EXOC6B: variants seen among roughly 807,000 people sequenced by gnomAD.
EXOC6B encodes the protein exocyst complex component 6B.
A neutral mutation model predicts 113.5 loss-of-function variants in EXOC6B; 54 were observed. The ratio of observed to expected loss-of-function variants is 0.48; its 90% CI spans 0.38 to 0.60. The LOEUF (loss-of-function observed/expected upper bound fraction) is 0.60. Among genes scored for constraint, EXOC6B ranks in the 20% least tolerant of loss-of-function variants. The probability of loss-of-function intolerance (pLI) is 0.00; values close to 1 mark genes in which losing one functional copy is unlikely to be tolerated. For missense variants in EXOC6B, 797 were observed against 977.5 expected (o/e 0.82, Z 2.46); for synonymous variants, 357 against 339.0 (o/e 1.05, Z -0.58).
At chr2:72,680,683 G>A (rs1056887130) in intron 6 of EXOC6B, among the ~76,000 whole-genome samples, 1 of 151,730 alleles carries the variant, frequency 6.6e-6, no homozygotes, top group Admixed American at 6.6e-5. Context: ...AGGTTGCAGT[G>A]AGCTGAGATC....
chr2:72,306,665 A>C (rs1210911435), intron 20 of EXOC6B, among the ~76,000 whole-genome samples: 1 of 152,172 alleles, frequency 6.6e-6, no homozygotes, highest in East Asian at 1.9e-4. Flanking sequence ...TCAGGTCAAA[A>C]ATAGTGGTCA....
At chr2:72,480,849 A>T (rs1465793920) in intron 16 of EXOC6B, 99 bp from the exon 17 acceptor site, 14 of 1,214,702 alleles carry the variant, frequency 1.2e-5, no homozygotes, top group Non-Finnish European at 1.6e-5. Context: ...GTAAGGCATA[A>T]TGGAAAAGGC....
intron 18 of EXOC6B, among the ~76,000 whole-genome samples, chr2:72,382,746 T>C (rs1290900040): frequency 6.6e-6 from 1 of 152,138 alleles, no homozygotes; most frequent in Non-Finnish European, 1.5e-5. Flanking sequence ...CTCTTTCATG[T>C]CCATGGTTAG....
At chr2:72,640,170 T>C (rs971398598) in intron 6 of EXOC6B, among the ~76,000 whole-genome samples, 2 of 152,092 alleles carry the variant, frequency 1.3e-5, no homozygotes, top group South Asian at 4.1e-4. Context: ...ATAGAAAAGA[T>C]GGTAACTGAA....
intron 20 of EXOC6B, among the ~76,000 whole-genome samples, chr2:72,294,331 A>G (rs1685989448): frequency 6.6e-6 from 1 of 151,874 alleles, no homozygotes; most frequent in Non-Finnish European, 1.5e-5. Context: ...CCTGTCCTCA[A>G]ATTGATTTTT....
chr2:72,760,939 G>C (rs1042904600), intron 1 of EXOC6B, among the ~76,000 whole-genome samples: 23 of 152,076 alleles, frequency 1.5e-4, no homozygotes, highest in African/African-American at 5.6e-4. Context: ...CAACACTTTC[G>C]GAGGCTGAGA....
intron 20 of EXOC6B, among the ~76,000 whole-genome samples, chr2:72,271,964 T>C (rs940562601): frequency 6.6e-6 from 1 of 152,096 alleles, no homozygotes; most frequent in Non-Finnish European, 1.5e-5. Flanking sequence ...CCTCCCCTTT[T>C]CCCCTCCCTC....
chr2:72,453,906 G>C (rs923872042), intron 18 of EXOC6B, among the ~76,000 whole-genome samples: 1 of 152,140 alleles, frequency 6.6e-6, no homozygotes, highest in Non-Finnish European at 1.5e-5. Flanking sequence ...CTGCATGGCT[G>C]GTCAGGCCTC....
chr2:72,718,201 G>A lies in EXOC6B; in HGVS notation c.571C>T (p.Arg191Ter), dbSNP rs1326777503. 6.2e-7 allele frequency: 1 copy of A among 1,613,798 alleles called. No individual in the cohort carries two copies. The highest frequency in any genetic ancestry group is 8.5e-7 in the Non-Finnish European group (1 of 1,179,790). The change falls in exon 6 of 22, where the codon CGA becomes TGA. Residue 191 changes from arginine (R) to a stop codon, truncating the protein, a stop_gained. Coordinates refer to ENST00000272427, the MANE Select transcript of EXOC6B (RefSeq NM_015189.3). LOFTEE classifies it high-confidence loss of function. ...ATAGAAACATCTTTTATTTCTTCTCGAAGCTTGGGGATGTTGTCCACCATC... is the reference window on the plus strand; with the variant it reads ...ATAGAAACATCTTTTATTTCTTCTCAAAGCTTGGGGATGTTGTCCACCATC... Reference protein sequence around the residue: ...KVMVDNIPKLREEIKDVSMSD... With the variant: ...KVMVDNIPKL
At chr2:72,632,137 C>G (rs1240446692) in intron 6 of EXOC6B, among the ~76,000 whole-genome samples, 1 of 152,012 alleles carries the variant, frequency 6.6e-6, no homozygotes, top group African/African-American at 2.4e-5. Flanking sequence ...AACTTCCCAA[C>G]AGAATAGAAG....
chr2:72,596,883 A>T (rs979797075), intron 6 of EXOC6B, among the ~76,000 whole-genome samples: 3 of 151,658 alleles, frequency 2.0e-5, no homozygotes, highest in African/African-American at 7.2e-5. Context: ...CATTAAATAC[A>T]GACTAACTCC....
At chr2:72,700,099 GC>G (rs1313315767) in intron 6 of EXOC6B, among the ~76,000 whole-genome samples, 1 of 151,928 alleles carries the variant, frequency 6.6e-6, no homozygotes, top group East Asian at 1.9e-4. Context: ...ATACTATATT[GC>G]TTTTATTTGT....
chr2:72,580,221 A>G (rs745547212), intron 6 of EXOC6B, among the ~76,000 whole-genome samples: 2 of 144,042 alleles, frequency 1.4e-5, no homozygotes, highest in African/African-American at 2.6e-5. Context: ...GGCTCACTGC[A>G]ACCTCTGCCT....
At chr2:72,702,753 A>ATGTC (rs1360076097) in intron 6 of EXOC6B, among the ~76,000 whole-genome samples, 3 of 109,470 alleles carry the variant, frequency 2.7e-5, no homozygotes, top group African/African-American at 1.1e-4. Flanking sequence ...TCCTTCGCCC[A>ATGTC]CTTTTTGATG....
intron 8 of EXOC6B, among the ~76,000 whole-genome samples, chr2:72,535,870 CAAA>C (rs35608008): frequency 6.1e-5 from 8 of 131,482 alleles, no homozygotes; most frequent in Admixed American, 7.3e-5. Flanking sequence ...AATTCTGTCT[CAAA>C]AAAAAAAAAA....
At chr2:72,509,206 T>C (rs553062877) in intron 11 of EXOC6B, among the ~76,000 whole-genome samples, 1 of 152,316 alleles carries the variant, frequency 6.6e-6, no homozygotes, top group Non-Finnish European at 1.5e-5. Flanking sequence ...AAGGCAGCCT[T>C]CTGTAAGCCA....
chr2:72,804,556 T>C (rs1685473994), intron 1 of EXOC6B, among the ~76,000 whole-genome samples: 1 of 152,150 alleles, frequency 6.6e-6, no homozygotes, highest in African/African-American at 2.4e-5. Context: ...TCTGAATTTC[T>C]GGACCAGATA....
chr2:72,422,571 G>C (rs1349615473), intron 18 of EXOC6B, among the ~76,000 whole-genome samples: 1 of 148,292 alleles, frequency 6.7e-6, no homozygotes, highest in Non-Finnish European at 1.5e-5. Context: ...GTCTAGCTCA[G>C]GGATTGTAAA....
chr2:72,368,985 A>G (rs1321706711), intron 19 of EXOC6B, among the ~76,000 whole-genome samples: 1 of 152,198 alleles, frequency 6.6e-6, no homozygotes, highest in East Asian at 1.9e-4. Flanking sequence ...CACCACTCCT[A>G]TTCAACACAG....
Sources: gnomAD v4.1 joint callset for allele counts (sites outside exome capture counted in the v4.1 genomes callset) on GRCh38, gnomAD v4.1.1 for gene constraint, MANE v1.5 for transcripts, NCBI Gene and HGNC (gene_info 2026-07-23, HGNC 2026-07-21) for gene names.